Variants in ADAMTS20 observed in about 807,000 individuals in gnomAD.
ADAMTS20 encodes ADAM metallopeptidase with thrombospondin type 1 motif 20, also known as A disintegrin and metalloproteinase with thrombospondin motifs 20.
In ADAMTS20, 225 loss-of-function variants were observed where a neutral mutation model predicts 260.1. The observed-to-expected ratio is 0.87, with a 90% confidence interval of 0.78 to 0.97. The LOEUF is 0.97. Among genes scored for constraint, ADAMTS20 ranks in the 50% least tolerant of loss-of-function variants. The pLI, the probability that ADAMTS20 is intolerant of heterozygous loss-of-function variation, is 0.00. For missense variants in ADAMTS20, 2,400 were observed against 2,337.7 expected, an observed-to-expected ratio of 1.03 and a Z score of -0.55; for synonymous variants, 802 against 769.5, an observed-to-expected ratio of 1.04 and a Z score of -0.70.
intron 28 of ADAMTS20, among the ~76,000 whole-genome samples, chr12:43,409,629 A>AAAAAAAAAAAAC (rs1210941171): frequency 7.0e-6 from 1 of 142,286 alleles, no homozygotes; most frequent in Non-Finnish European, 1.5e-5. Flanking sequence ...AAAAAAAAAA[A>AAAAAAAAAAAAC]ACAAGAAAAT....
chr12:43,544,085 T>A (rs148403048), intron 2 of ADAMTS20, among the ~76,000 whole-genome samples: 1 of 151,826 alleles, frequency 6.6e-6, no homozygotes, highest in African/African-American at 2.4e-5. Context: ...TTAGTAAGAG[T>A]TGGACAGCTT....
Position 43,432,634 on chromosome 12 carries a change from GAC to G in ADAMTS20, c.2896_2897del (p.Val966LeufsTer30). The G allele has an allele frequency of 6.2e-7, 1 of 1,613,904 alleles. No homozygotes were observed. Among genetic ancestry groups the G allele is most frequent in the Non-Finnish European group, 8.5e-7 (1 of 1,179,862 alleles). On this transcript the variant is annotated frameshift_variant, in exon 20 of 39. Coordinates refer to ENST00000389420, the MANE Select transcript of ADAMTS20 (RefSeq NM_025003.5). LOFTEE classifies it high-confidence loss of function. ...PTQELCHGNC[V>X]FTRWHYSEWS... is the part of the protein sequence containing the mutation. ...ATTCTGAATAATGCCATCTTGTGAAGACACAGTTACCATGGCATAGTTCTTGG... is the reference window on the plus strand; with the variant it reads ...ATTCTGAATAATGCCATCTTGTGAAGACAGTTACCATGGCATAGTTCTTGG...
intron 14 of ADAMTS20, among the ~76,000 whole-genome samples, chr12:43,449,229 G>T (rs1252983239): frequency 6.6e-6 from 1 of 152,048 alleles, no homozygotes; most frequent in African/African-American, 2.4e-5. Context: ...GACATGAAAT[G>T]AACCTAAGTG....
intron 6 of ADAMTS20, among the ~76,000 whole-genome samples, chr12:43,491,788 A>T (rs1252888929): frequency 6.6e-6 from 1 of 152,192 alleles, no homozygotes; most frequent in Non-Finnish European, 1.5e-5. Context: ...AAGTGGACAA[A>T]CGAAAGAAGA....
At chr12:43,526,010 A>ACACT (rs1943136498) in intron 3 of ADAMTS20, among the ~76,000 whole-genome samples, 1 of 152,226 alleles carries the variant, frequency 6.6e-6, no homozygotes, top group African/African-American at 2.4e-5. Flanking sequence ...GGCTTAACGT[A>ACACT]CACTCTAGAA....
chr12:43,403,098 C>A (rs907004488), intron 28 of ADAMTS20, among the ~76,000 whole-genome samples: 1 of 152,070 alleles, frequency 6.6e-6, no homozygotes, highest in Admixed American at 6.6e-5. Flanking sequence ...TGGTACTTTG[C>A]CTTCCAGAAT....
At chr12:43,545,041 T>C (rs970547558) in intron 2 of ADAMTS20, among the ~76,000 whole-genome samples, 1 of 152,148 alleles carries the variant, frequency 6.6e-6, no homozygotes, top group African/African-American at 2.4e-5. Context: ...TTGCCAAATG[T>C]CTTCTGGGGG....
At position 43,375,245 on chromosome 12, in the gene ADAMTS20, T is replaced by C. The variant is rs970947589; in HGVS notation, c.5446+134A>G. The C allele has an allele frequency of 4.6e-6, 4 of 867,562 alleles. No homozygotes were observed. In the African/African-American group the frequency reaches 5.3e-5, roughly 11 times the overall value. 53.7% of individuals were successfully genotyped at this position (867,562 alleles called of 1,614,324 possible). A position where few individuals can be genotyped will look rare whatever the true frequency, so the allele number is the denominator to read the frequency against. On this transcript the variant is annotated intron_variant, in intron 36 of 38. Transcript: ENST00000389420. ...GAGGAAGTATGTAGCTAACTGTTTT[T>C]AAAAAAAGTAAGTAATTTTTGCACA...
At chr12:43,409,371 G>A (rs1450231122) in intron 28 of ADAMTS20, among the ~76,000 whole-genome samples, 1 of 151,780 alleles carries the variant, frequency 6.6e-6, no homozygotes, top group Non-Finnish European at 1.5e-5. Context: ...GGGAGGCCGA[G>A]ACGGGCGGAT....
chr12:43,542,812 G>A (rs1252191724), intron 2 of ADAMTS20, among the ~76,000 whole-genome samples: 2 of 152,120 alleles, frequency 1.3e-5, no homozygotes, highest in Non-Finnish European at 2.9e-5. Context: ...ACACTAGCCT[G>A]GACTGAAAAA....
chr12:43,405,229 CAAAAAAAAAAAA>C (rs869040570), intron 28 of ADAMTS20, among the ~76,000 whole-genome samples: 12 of 52,784 alleles, frequency 2.3e-4, no homozygotes, highest in East Asian at 1.5e-3. Flanking sequence ...CTCATCTCTA[CAAAAAAAAAAAA>C]AAAAAAAAAA....
intron 3 of ADAMTS20, among the ~76,000 whole-genome samples, chr12:43,522,726 G>T (rs1943089229): frequency 6.6e-6 from 1 of 152,224 alleles, no homozygotes; most frequent in African/African-American, 2.4e-5. Flanking sequence ...GTTTGTGGGG[G>T]TTTTTGTTGG....
chr12:43,356,687 A>G (rs1203661317), intron 37 of ADAMTS20, 99 bp from the exon 38 acceptor site: 1 of 742,062 alleles, frequency 1.3e-6, no homozygotes, highest in Admixed American at 2.5e-5. Flanking sequence ...AATTAATACT[A>G]TATAATGTTA....
Position 43,492,524 on chromosome 12 carries a change from T to G in ADAMTS20, c.1057A>C (p.Thr353Pro). 1.2e-6 allele frequency: 2 copies of G among 1,613,856 alleles called. No individual in the cohort carries two copies. Among genetic ancestry groups the G allele is most frequent in the Admixed American group, 1.7e-5 (1 of 60,010 alleles). Residue 353 changes from threonine to proline, a missense_variant, in exon 6 of 39, where the codon ACT becomes CCT. Coordinates refer to ENST00000389420, the MANE Select transcript of ADAMTS20 (RefSeq NM_025003.5). ...TCATACCTAGTGATAAGAACAGCAG[T>G]GTCATGGTGGGAAGGGTGAACATCA... Reference protein sequence around the residue: ...LDDVHPSHHDTAVLITREDIC... With the variant: ...LDDVHPSHHDPAVLITREDIC...
intron 37 of ADAMTS20, among the ~76,000 whole-genome samples, chr12:43,366,631 G>A (rs561935399): frequency 6.4e-4 from 97 of 151,818 alleles, no homozygotes; most frequent in Non-Finnish European, 1.0e-3. Flanking sequence ...CACAATAAAG[G>A]TTGAAATCCA....
intron 37 of ADAMTS20, among the ~76,000 whole-genome samples, chr12:43,362,321 A>T (rs1201398585): frequency 6.6e-6 from 1 of 152,226 alleles, no homozygotes. Flanking sequence ...GGAGGGACTC[A>T]GCAGAGAAAG....
intron 28 of ADAMTS20, among the ~76,000 whole-genome samples, chr12:43,414,393 C>T (rs1274508679): frequency 6.6e-6 from 1 of 152,008 alleles, no homozygotes; most frequent in Non-Finnish European, 1.5e-5. Flanking sequence ...AGTAGCTATT[C>T]CTGGGATTGG....
At chr12:43,543,629 C>CT (rs1423002257) in intron 2 of ADAMTS20, among the ~76,000 whole-genome samples, 1 of 152,154 alleles carries the variant, frequency 6.6e-6, no homozygotes, top group Non-Finnish European at 1.5e-5. Flanking sequence ...CCTGTGGGAA[C>CT]TTTGAGTTTT....
At position 43,460,766 on chromosome 12, in the gene ADAMTS20, C is replaced by A. The variant is rs118018948; in HGVS notation, c.1614+2129G>T. Among the ~76,000 whole-genome samples the A allele has an allele frequency of 1.7e-3, 260 of 151,700 alleles. 3 individuals carry two copies. The East Asian group carries it at 0.018, about 11-fold the overall frequency. ...GGTATAAAGGAATGAACTGCTAATG[C>A]ACACAATAATATGGATGAAGCTTAA... On this transcript the variant is annotated intron_variant, in intron 11 of 38. Transcript: ENST00000389420.
Sources: allele counts gnomAD v4.1 joint callset (sites outside exome capture counted in the v4.1 genomes callset), GRCh38; gene constraint gnomAD v4.1.1; transcripts MANE v1.5; gene names NCBI Gene and HGNC (gene_info 2026-07-23, HGNC 2026-07-21).